The following CPLX1 variants were observed in gnomAD, a reference collection of about 807,000 sequenced individuals.
CPLX1 encodes complexin-1.
In CPLX1, 6 loss-of-function variants were observed where a neutral mutation model predicts 15.6. The ratio of observed to expected loss-of-function variants is 0.39; its 90% CI spans 0.21 to 0.76. The LOEUF (loss-of-function observed/expected upper bound fraction) is 0.76. CPLX1 is among the 30% of genes least tolerant of loss of function. The probability of loss-of-function intolerance (pLI) is 0.43; values close to 1 mark genes in which losing one functional copy is unlikely to be tolerated. For synonymous variants in CPLX1, 91 were observed against 75.2 expected (o/e 1.21, Z -1.08); for missense variants, 242 against 188.6 (o/e 1.28, Z -1.66).
intron 3 of CPLX1, chr4:788,489 C>G: frequency 1.0e-6 from 1 of 985,454 alleles, no homozygotes; most frequent in Non-Finnish European, 1.2e-6. Flanking sequence ...TTGACAGAGC[C>G]GGGACTCCAG....
At position 823,567 on chromosome 4, in the gene CPLX1, G is replaced by A. The variant is rs183788997; in HGVS notation, c.31+925C>T. Among the ~76,000 whole-genome samples, 194 of 152,340 alleles carry A rather than the reference G, an allele frequency of 1.3e-3. 2 individuals are homozygous for A. Among genetic ancestry groups the A allele is most frequent in the Middle Eastern group, 6.8e-3 (2 of 294 alleles). ...AAGACGTCTCTAGTGGTAGAATCGGGCACCGGCCACAGGTTCCCCTCACAG... is the reference window on the plus strand; with the variant it reads ...AAGACGTCTCTAGTGGTAGAATCGGACACCGGCCACAGGTTCCCCTCACAG... On this transcript the variant is annotated intron_variant, in intron 2 of 3. Transcript: ENST00000304062.
At chr4:786,770 G>A in intron 3 of CPLX1, 72 bp from the exon 4 acceptor site, 1 of 1,510,200 alleles carries the variant, frequency 6.6e-7, no homozygotes, top group South Asian at 1.3e-5. Context: ...CCTGCGCCAG[G>A]GACTGGCCCA....
intron 2 of CPLX1, among the ~76,000 whole-genome samples, chr4:821,449 C>T (rs945974822): frequency 6.6e-6 from 1 of 152,162 alleles, no homozygotes; most frequent in Non-Finnish European, 1.5e-5. Flanking sequence ...AGGACCTGAG[C>T]GTGTTTAAAC....
intron 2 of CPLX1, 63 bp from the exon 3 acceptor site, chr4:792,671 C>T (rs1051338763): frequency 6.5e-7 from 1 of 1,527,100 alleles, no homozygotes; most frequent in Non-Finnish European, 8.9e-7. Flanking sequence ...GCTAGTGTCT[C>T]AGCCACACTC....
At chr4:817,391 T>TAAA (rs56378964) in intron 2 of CPLX1, among the ~76,000 whole-genome samples, 6 of 126,784 alleles carry the variant, frequency 4.7e-5, no homozygotes, top group African/African-American at 1.8e-4. Flanking sequence ...CCGTCTCTAC[T>TAAA]AAAAAAAAAA....
At chr4:786,821 G>T in intron 3 of CPLX1, 123 bp from the exon 4 acceptor site, 1 of 1,412,338 alleles carries the variant, frequency 7.1e-7, no homozygotes. Context: ...TACCCCACCA[G>T]GCACACAAGG....
intron 2 of CPLX1, among the ~76,000 whole-genome samples, chr4:805,733 A>G (rs548916696): frequency 3.3e-5 from 5 of 152,358 alleles, no homozygotes; most frequent in African/African-American, 1.2e-4. Context: ...ATGGACAAGC[A>G]CAATGTGGTG....
At position 786,551 on chromosome 4, in the gene CPLX1, T is replaced by C. The variant is rs778461879; in HGVS notation, c.355A>G (p.Thr119Ala). The change falls in exon 4 of 4, where the codon ACC becomes GCC. Residue 119 changes from threonine (T) to alanine (A), a missense_variant. Coordinates refer to ENST00000304062, the MANE Select transcript of CPLX1 (RefSeq NM_006651.4). Reference protein sequence around the residue: ...VEEEDESILDTVIKYLPGPLQ... With the variant: ...VEEEDESILDAVIKYLPGPLQ... ...GGCCCGGGCAGGTACTTGATGACGG[T>C]GTCCAGGATGCTCTCGTCCTCCTCC... 37 of 1,607,822 alleles carry C rather than the reference T, an allele frequency of 2.3e-5. No homozygotes were observed. Among genetic ancestry groups the C allele is most frequent in the Non-Finnish European group, 3.1e-5 (36 of 1,177,420 alleles).
chr4:826,003 G>A (rs1347582650), intron 1 of CPLX1, 43 bp downstream of exon 1: 3 of 149,308 alleles, frequency 2.0e-5, no homozygotes, highest in Non-Finnish European at 4.5e-5. Flanking sequence ...GGGAGACCCG[G>A]GGAGCGGAGG....
At chr4:809,069 C>T (rs781365156) in intron 2 of CPLX1, among the ~76,000 whole-genome samples, 4 of 152,238 alleles carry the variant, frequency 2.6e-5, no homozygotes, top group Admixed American at 6.5e-5. Context: ...TGGGCCAGAG[C>T]GGGAGGAGAG....
chr4:792,932 T>C (rs1335354602), intron 2 of CPLX1, among the ~76,000 whole-genome samples: 1 of 152,234 alleles, frequency 6.6e-6, no homozygotes, highest in Non-Finnish European at 1.5e-5. Context: ...TGCTTATGCG[T>C]ACGTGTGGCT....
chr4:804,615 G>A, intron 2 of CPLX1: 2 of 419,956 alleles, frequency 4.8e-6, no homozygotes, highest in Non-Finnish European at 6.4e-6. Context: ...ATGTGCAATT[G>A]TATGTAATCC....
At chr4:787,708 G>A (rs1166561082) in intron 3 of CPLX1, 12 of 985,084 alleles carry the variant, frequency 1.2e-5, no homozygotes, top group African/African-American at 3.5e-5. Context: ...CTGCCCTCCA[G>A]GCCTCTAAGT....
chr4:787,002 A>AGCCCC, intron 3 of CPLX1: 1 of 985,378 alleles, frequency 1.0e-6, no homozygotes, highest in Non-Finnish European at 1.2e-6. Context: ...AACCCAGCCC[A>AGCCCC]GCCCCTGGCA....
rs763171036 is a variant in CPLX1, at chr4:786,490, C to T, written c.*11G>A. The T allele has an allele frequency of 6.4e-7, 1 of 1,551,614 alleles. No homozygotes were observed. The highest frequency in any genetic ancestry group is 8.7e-7 in the Non-Finnish European group (1 of 1,145,982). Reference sequence around the variant, plus strand: ...GGCGGGGGCTCCGCGGGGCCGCTGTCCCGCGCGCGGCTACTTCTTGAGCAT... The same window carrying T: ...GGCGGGGGCTCCGCGGGGCCGCTGTTCCGCGCGCGGCTACTTCTTGAGCAT... On this transcript the variant is annotated 3_prime_UTR_variant, in exon 4 of 4. Transcript: ENST00000304062.
intron 2 of CPLX1, among the ~76,000 whole-genome samples, chr4:821,931 C>T (rs886797621): frequency 6.6e-6 from 1 of 152,186 alleles, no homozygotes; most frequent in African/African-American, 2.4e-5. Flanking sequence ...CCAGGCCTGT[C>T]CCCCTGCCCA....
In CPLX1 at chr4:785,080, C is replaced by T. The variant is rs1345791797; in HGVS notation, c.*1421G>A. ...AGAGGACACCACGGTCTAAGCTAAG[C>T]TCGCGGCCCGGGGCGCCATGCGCTG... On this transcript the variant is annotated 3_prime_UTR_variant, in exon 4 of 4. Coordinates refer to ENST00000304062, the MANE Select transcript of CPLX1 (RefSeq NM_006651.4). The T allele has an allele frequency of 2.0e-5, 3 of 152,336 alleles. No individual in the cohort carries two copies. Among genetic ancestry groups the T allele is most frequent in the African/African-American group, 7.2e-5 (3 of 41,472 alleles). 9.4% of individuals were successfully genotyped at this position (152,336 alleles called of 1,614,324 possible).
intron 3 of CPLX1, among the ~76,000 whole-genome samples, chr4:790,679 C>A (rs1171421439): frequency 6.6e-6 from 1 of 152,146 alleles, no homozygotes; most frequent in Non-Finnish European, 1.5e-5. Flanking sequence ...GGGACCAGAC[C>A]CACTCCAGAG....
chr4:796,855 G>A (rs900223616), intron 2 of CPLX1, among the ~76,000 whole-genome samples: 1 of 152,194 alleles, frequency 6.6e-6, no homozygotes, highest in Non-Finnish European at 1.5e-5. Flanking sequence ...GGAAAAAGAG[G>A]AGAGTGAGGT....
Sources: gnomAD v4.1 joint callset for allele counts (sites outside exome capture counted in the v4.1 genomes callset) on GRCh38, gnomAD v4.1.1 for gene constraint, MANE v1.5 for transcripts, NCBI Gene and HGNC (gene_info 2026-07-23, HGNC 2026-07-21) for gene names.